The following ANKS4B variants were observed in gnomAD, a reference collection of about 807,000 sequenced individuals.
The protein encoded by ANKS4B is ankyrin repeat and sterile alpha motif domain containing 4B.
Under a neutral mutation model 20.2 loss-of-function variants are expected in ANKS4B, and 21 were observed. The ratio of observed to expected loss-of-function variants is 1.04; its 90% CI spans 0.74 to 1.50. The LOEUF is 1.50. Ranked by LOEUF, ANKS4B falls within the 40% of genes most tolerant of loss-of-function variation. The pLI is 0.00. For synonymous variants in ANKS4B, 179 were observed against 194.5 expected, an observed-to-expected ratio of 0.92 and a Z score of 0.66; for missense variants, 473 against 494.6, an observed-to-expected ratio of 0.96 and a Z score of 0.41.
In ANKS4B at chr16:21,239,202, T is replaced by C. The variant is rs57795091; in HGVS notation, c.164+5301T>C. Among the ~76,000 whole-genome samples the C allele has an allele frequency of 4.8e-3, 731 of 152,254 alleles. 6 individuals are homozygous for C. Among genetic ancestry groups the C allele is most frequent in the African/African-American group, 0.017 (705 of 41,544 alleles). On this transcript the variant is annotated intron_variant, in intron 1 of 1. Transcript: ENST00000311620. ...ACCATTGTGGAAAGCAGTGTGACAA[T>C]TGCTCCAAGAGCTAAAAGCAGAACT... is the stretch of plus-strand genomic sequence containing the variant.
chr16:21,234,095 G>A (rs1158422381), intron 1 of ANKS4B, among the ~76,000 whole-genome samples, 194 bp downstream of exon 1: 1 of 152,186 alleles, frequency 6.6e-6, no homozygotes, highest in Non-Finnish European at 1.5e-5. Flanking sequence ...GGCACTATAG[G>A]AGTGGCTCAT....
At chr16:21,249,681 T>C (rs778684089) in intron 1 of ANKS4B, 50 bp from the exon 2 acceptor site, 5 of 1,535,534 alleles carry the variant, frequency 3.3e-6, no homozygotes, top group Non-Finnish European at 4.4e-6. Flanking sequence ...GGGCCTGCGT[T>C]CAGAGAAAAA....
intron 1 of ANKS4B, among the ~76,000 whole-genome samples, chr16:21,248,873 T>C (rs1250011284): frequency 6.6e-6 from 1 of 152,184 alleles, no homozygotes; most frequent in East Asian, 1.9e-4. Flanking sequence ...ATGGGGGAAA[T>C]AGTTGATAAT....
Position 21,250,334 on chromosome 16 carries a change from G to T in ANKS4B, c.768G>T (p.Glu256Asp). Residue 256 changes from glutamate to aspartate, a missense_variant, in exon 2 of 2, where the codon GAG becomes GAT. Coordinates refer to ENST00000311620, the MANE Select transcript of ANKS4B (RefSeq NM_145865.3). ...FKEKLQLSAE[E>D]DGSVHHESIL... ...AGAAGCTCCAGTTGTCAGCAGAGGA[G>T]GACGGCAGTGTGCACCATGAATCCA... 6.2e-7 allele frequency: 1 copy of T among 1,614,184 alleles called. No individual in the cohort carries two copies. The highest frequency in any genetic ancestry group is 1.3e-5 in the African/African-American group (1 of 75,046).
chr16:21,234,458 A>G (rs1448944367), intron 1 of ANKS4B, among the ~76,000 whole-genome samples: 3 of 147,182 alleles, frequency 2.0e-5, no homozygotes, highest in African/African-American at 7.5e-5. Flanking sequence ...TCTTAACTCT[A>G]TCACTTCTTT....
chr16:21,240,792 CTTTTT>C (rs996227583), intron 1 of ANKS4B, among the ~76,000 whole-genome samples: 1 of 144,724 alleles, frequency 6.9e-6, no homozygotes, highest in Non-Finnish European at 1.5e-5. Context: ...ATAATTTCAA[CTTTTT>C]TTTTTTTGTG....
At chr16:21,237,168 G>A (rs918389722) in intron 1 of ANKS4B, among the ~76,000 whole-genome samples, 1 of 152,088 alleles carries the variant, frequency 6.6e-6, no homozygotes, top group African/African-American at 2.4e-5. Flanking sequence ...CTACAGGCGT[G>A]CACTACCACG....
In ANKS4B at chr16:21,250,967, T is replaced by A; in HGVS notation, c.*147T>A. 1 of 1,159,424 alleles carries A rather than the reference T, an allele frequency of 8.6e-7. No individual in the cohort carries two copies. Among genetic ancestry groups the A allele is most frequent in the Non-Finnish European group, 1.2e-6 (1 of 842,650 alleles). The allele number at this position is 1,159,424 out of a possible 1,614,324, so 71.8% of individuals were successfully genotyped here. On this transcript the variant is annotated 3_prime_UTR_variant, in exon 2 of 2. Coordinates refer to ENST00000311620, the MANE Select transcript of ANKS4B (RefSeq NM_145865.3). ...CTACCTGAGAGAGAGACCCAAACTT[T>A]ACTCTGGGAGGTAGGCTATGCCCAT...
At chr16:21,246,742 T>C in intron 1 of ANKS4B, among the ~76,000 whole-genome samples, 1 of 152,212 alleles carries the variant, frequency 6.6e-6, no homozygotes, top group East Asian at 1.9e-4. Flanking sequence ...CCTGTTACCC[T>C]TGGGCAAATC....
At chr16:21,246,551 G>A (rs918818217) in intron 1 of ANKS4B, among the ~76,000 whole-genome samples, 2 of 152,028 alleles carry the variant, frequency 1.3e-5, no homozygotes, top group Admixed American at 1.3e-4. Flanking sequence ...TAATTAGATG[G>A]GGAGGAAAGT....
At chr16:21,234,640 A>C (rs2093318077) in intron 1 of ANKS4B, among the ~76,000 whole-genome samples, 1 of 152,106 alleles carries the variant, frequency 6.6e-6, no homozygotes, top group African/African-American at 2.4e-5. Context: ...AAGAAAGAGA[A>C]AAGGACAAGG....
In ANKS4B at chr16:21,251,339, C is replaced by T. The variant is rs2093339253; in HGVS notation, c.*519C>T. The T allele has an allele frequency of 6.5e-6, 1 of 154,466 alleles. No homozygotes were observed. Among genetic ancestry groups the T allele is most frequent in the South Asian group, 2.0e-4 (1 of 4,916 alleles). 9.6% of individuals were successfully genotyped at this position (154,466 alleles called of 1,614,324 possible). On this transcript the variant is annotated 3_prime_UTR_variant, in exon 2 of 2. Transcript: ENST00000311620. ...CAGGCTGGTCTCAAACTCCTGGCCT[C>T]AAGCAATCCTCCCACCTCAGCCTCC...
chr16:21,241,007 C>T (rs528606903), intron 1 of ANKS4B, among the ~76,000 whole-genome samples: 12 of 152,154 alleles, frequency 7.9e-5, no homozygotes, highest in African/African-American at 2.6e-4. Context: ...TTGGCCAGGC[C>T]GGTCTCGAAC....
At chr16:21,246,605 A>G (rs1048514683) in intron 1 of ANKS4B, among the ~76,000 whole-genome samples, 15 of 152,204 alleles carry the variant, frequency 9.9e-5, no homozygotes, top group African/African-American at 2.9e-4. Context: ...TGAAGAAACC[A>G]AGTCCTAGAA....
In ANKS4B at chr16:21,252,718, A is replaced by G. The variant is rs2093341035; in HGVS notation, c.*1898A>G. The G allele has an allele frequency of 6.6e-6, 1 of 152,198 alleles. No individual in the cohort carries two copies. Among genetic ancestry groups the G allele is most frequent in the African/African-American group, 2.4e-5 (1 of 41,444 alleles). 9.4% of individuals were successfully genotyped at this position (152,198 alleles called of 1,614,324 possible). ...TCTGTCACCATTGCCGCATATCTGA[A>G]TATGTGTAGGTTCCACGATAGAAAC... On this transcript the variant is annotated 3_prime_UTR_variant, in exon 2 of 2. Coordinates refer to ENST00000311620, the MANE Select transcript of ANKS4B (RefSeq NM_145865.3).
intron 1 of ANKS4B, among the ~76,000 whole-genome samples, chr16:21,245,553 A>C (rs1415718961): frequency 6.6e-6 from 1 of 152,046 alleles, no homozygotes; most frequent in Non-Finnish European, 1.5e-5. Flanking sequence ...GGCTCACTGC[A>C]ATCTCCACCT....
chr16:21,235,237 G>A (rs1192378222), intron 1 of ANKS4B, among the ~76,000 whole-genome samples: 2 of 152,180 alleles, frequency 1.3e-5, no homozygotes, highest in Non-Finnish European at 2.9e-5. Flanking sequence ...CTTCCCTAAG[G>A]GGAAAGCATT....
In ANKS4B at chr16:21,252,352, C is replaced by T. The variant is rs531887348; in HGVS notation, c.*1532C>T. 1 of 152,276 alleles carries T rather than the reference C, an allele frequency of 6.6e-6. No individual in the cohort carries two copies. The highest frequency in any genetic ancestry group is 1.5e-5 in the Non-Finnish European group (1 of 68,072). The allele number at this position is 152,276 out of a possible 1,614,324, so 9.4% of individuals were successfully genotyped here. ...GCCGAGGAGGGGGCCTCAGGAGAAA[C>T]CAACCCTGCAATCACCTTGATCTTG... On this transcript the variant is annotated 3_prime_UTR_variant, in exon 2 of 2. Coordinates refer to ENST00000311620, the MANE Select transcript of ANKS4B (RefSeq NM_145865.3).
At chr16:21,243,298 T>C (rs1171329976) in intron 1 of ANKS4B, among the ~76,000 whole-genome samples, 1 of 152,132 alleles carries the variant, frequency 6.6e-6, no homozygotes, top group East Asian at 1.9e-4. Context: ...TGAGTTTCTC[T>C]TTTGGGGAAA....
Sources: allele counts gnomAD v4.1 joint callset (sites outside exome capture counted in the v4.1 genomes callset), GRCh38; gene constraint gnomAD v4.1.1; transcripts MANE v1.5; gene names NCBI Gene and HGNC (gene_info 2026-07-23, HGNC 2026-07-21).